ATP8A2: variants seen among roughly 807,000 people sequenced by gnomAD.
The protein encoded by ATP8A2 is ATPase phospholipid transporting 8A2.
A neutral mutation model predicts 165.6 loss-of-function variants in ATP8A2; 100 were observed. The ratio of observed to expected loss-of-function variants is 0.60; its 90% CI spans 0.51 to 0.71. ATP8A2 has a LOEUF of 0.71. Among genes scored for constraint, ATP8A2 ranks in the 30% least tolerant of loss-of-function variants. The probability of loss-of-function intolerance (pLI) is 0.00; values close to 1 mark genes in which losing one functional copy is unlikely to be tolerated. For missense variants in ATP8A2, 1,227 were observed against 1,479.5 expected, an observed-to-expected ratio of 0.83 and a Z score of 2.80; for synonymous variants, 543 against 548.8, an observed-to-expected ratio of 0.99 and a Z score of 0.15.
intron 2 of ATP8A2, among the ~76,000 whole-genome samples, chr13:25,515,800 C>T: frequency 6.6e-6 from 1 of 152,206 alleles, no homozygotes; most frequent in East Asian, 1.9e-4. Context: ...ACCTATTTAA[C>T]TCATGTCTCT....
chr13:25,444,544 C>T (rs2035019184), intron 1 of ATP8A2, among the ~76,000 whole-genome samples: 1 of 152,012 alleles, frequency 6.6e-6, no homozygotes, highest in South Asian at 2.1e-4. Flanking sequence ...AGGAGTTGCT[C>T]TTCTTTTTAA....
intron 2 of ATP8A2, among the ~76,000 whole-genome samples, chr13:25,492,204 C>T (rs12428567): frequency 0.059 from 8,937 of 152,124 alleles, 337 homozygotes; most frequent in South Asian, 0.13. Flanking sequence ...TTACCGGCAC[C>T]TGCCACCATG....
chr13:25,670,595 C>T (rs1204775083), intron 24 of ATP8A2, among the ~76,000 whole-genome samples: 1 of 152,188 alleles, frequency 6.6e-6, no homozygotes, highest in Non-Finnish European at 1.5e-5. Flanking sequence ...TTGGCTGGCA[C>T]ACCTGTATAG....
chr13:25,832,589 A>G (rs572986897), intron 28 of ATP8A2, among the ~76,000 whole-genome samples: 1 of 152,352 alleles, frequency 6.6e-6, no homozygotes, highest in South Asian at 2.1e-4. Flanking sequence ...TCAAGAAAAT[A>G]AGAAAAACAT....
chr13:25,856,929 A>G (rs1952182835), intron 30 of ATP8A2, among the ~76,000 whole-genome samples: 1 of 152,188 alleles, frequency 6.6e-6, no homozygotes, highest in African/African-American at 2.4e-5. Flanking sequence ...CTGGCTTTGC[A>G]TTTATTATTA....
Position 25,457,252 on chromosome 13 carries a change from T to C in ATP8A2, c.77-11725T>C, listed in dbSNP as rs564284552. On this transcript the variant is annotated intron_variant, in intron 1 of 36. Coordinates refer to ENST00000381655, the MANE Select transcript of ATP8A2 (RefSeq NM_016529.6). ...TGCATAGACTCTAGGAGTATACTTT[T>C]ATTTTTAACAACCCCACAAAACCTA... Among the ~76,000 whole-genome samples the C allele has an allele frequency of 6.6e-5, 10 of 152,332 alleles. No individual in the cohort carries two copies. The South Asian group carries it at 2.1e-3, about 32-fold the overall frequency.
chr13:25,529,907 C>A, intron 2 of ATP8A2, 92 bp from the exon 3 acceptor site: 4 of 677,154 alleles, frequency 5.9e-6, no homozygotes, highest in South Asian at 4.8e-5. Flanking sequence ...TTTTTTAAAC[C>A]ATTTGTAAAA....
intron 25 of ATP8A2, among the ~76,000 whole-genome samples, chr13:25,719,620 A>T (rs1440470139): frequency 1.8e-4 from 27 of 152,350 alleles, no homozygotes; most frequent in Non-Finnish European, 5.9e-5. Context: ...AGATTCAATC[A>T]TTTAACATCC....
At chr13:25,989,992 C>T (rs868312171) in intron 35 of ATP8A2, among the ~76,000 whole-genome samples, 2 of 152,232 alleles carry the variant, frequency 1.3e-5, no homozygotes, top group Admixed American at 6.5e-5. Context: ...TCCCTTAGAG[C>T]GGGTTTTAGA....
At chr13:25,591,142 T>A in intron 24 of ATP8A2, 1 of 394,096 alleles carries the variant, frequency 2.5e-6, no homozygotes, top group Admixed American at 2.7e-5. Flanking sequence ...TATGTGTGTG[T>A]GTGTGTGTGT....
chr13:25,561,273 A>G (rs112833733), intron 15 of ATP8A2, among the ~76,000 whole-genome samples: 2 of 151,894 alleles, frequency 1.3e-5, no homozygotes, highest in Admixed American at 6.6e-5. Context: ...CCTCCTCTCC[A>G]GCTTCCCTGT....
chr13:25,862,884 A>G (rs1217494687), intron 33 of ATP8A2, among the ~76,000 whole-genome samples: 1 of 152,194 alleles, frequency 6.6e-6, no homozygotes, highest in African/African-American at 2.4e-5. Flanking sequence ...AGAATCTCTC[A>G]TTGTTCATCT....
In ATP8A2 at chr13:25,431,610, T is replaced by C. The variant is rs557623361; in HGVS notation, c.77-37367T>C. Among the ~76,000 whole-genome samples, 37 of 152,366 alleles carry C rather than the reference T, an allele frequency of 2.4e-4. 3 individuals carry two copies. In the South Asian group the frequency reaches 5.6e-3, roughly 23 times the overall value. On this transcript the variant is annotated intron_variant, in intron 1 of 36. Transcript: ENST00000381655. The stretch of plus-strand genomic sequence containing the variant: ...CAATTCTAGCACTAGCTTGATTTCT[T>C]CTAACTAAGCAACCTTATTTTTTAA...
intron 24 of ATP8A2, among the ~76,000 whole-genome samples, chr13:25,693,898 C>T (rs1420085508): frequency 6.6e-6 from 1 of 151,242 alleles, no homozygotes; most frequent in Non-Finnish European, 1.5e-5. Context: ...TGGAGTCTTG[C>T]TCTGTTGCCC....
intron 17 of ATP8A2, among the ~76,000 whole-genome samples, chr13:25,571,164 C>T (rs1047034990): frequency 2.0e-5 from 3 of 152,224 alleles, no homozygotes; most frequent in Non-Finnish European, 2.9e-5. Context: ...ACAGAGCTGG[C>T]TTCTTCCTCA....
chr13:25,928,982 T>A (rs1350641792), intron 33 of ATP8A2, among the ~76,000 whole-genome samples: 1 of 152,152 alleles, frequency 6.6e-6, no homozygotes, highest in African/African-American at 2.4e-5. Context: ...AAAACTTCTC[T>A]GTATCATCTA....
At position 25,703,465 on chromosome 13, in the gene ATP8A2, C is replaced by T. The variant is rs373868621; in HGVS notation, c.2384+4120C>T. Among the ~76,000 whole-genome samples the T allele has an allele frequency of 5.3e-5, 8 of 152,260 alleles. No homozygotes were observed. In the East Asian group the frequency reaches 1.4e-3, roughly 26 times the overall value. The stretch of plus-strand genomic sequence containing the variant: ...GAAATTGCACTCTTAGGTAGGTATA[C>T]ACCCAAAAGAATTAAAAACAGGCAC... On this transcript the variant is annotated intron_variant, in intron 25 of 36. Transcript: ENST00000381655.
At position 25,532,285 on chromosome 13, in the gene ATP8A2, C is replaced by G. The variant is rs1293813146; in HGVS notation, c.434C>G (p.Ala145Gly). 1 of 1,610,328 alleles carries G rather than the reference C, an allele frequency of 6.2e-7. No individual in the cohort carries two copies. The highest frequency in any genetic ancestry group is 2.2e-5 in the East Asian group (1 of 44,734). Reference sequence around the variant, plus strand: ...TTTCTGTAACAGAAGCGACACAAGGCAGACAATGCAGTTAACAAAAAGAAA... The same window carrying G: ...TTTCTGTAACAGAAGCGACACAAGGGAGACAATGCAGTTAACAAAAAGAAA... ...EIVEDFKRHK[A>G]DNAVNKKKTI... The change falls in exon 5 of 37, where the codon GCA (alanine) becomes GGA (glycine). Residue 145 changes from alanine to glycine, a missense_variant. Coordinates refer to ENST00000381655, the MANE Select transcript of ATP8A2 (RefSeq NM_016529.6).
intron 11 of ATP8A2, among the ~76,000 whole-genome samples, chr13:25,552,309 T>A (rs2038849476): frequency 6.6e-6 from 1 of 152,086 alleles, no homozygotes; most frequent in Non-Finnish European, 1.5e-5. Context: ...TATTAACATA[T>A]TTACTTACCA....
Sources: allele counts gnomAD v4.1 joint callset (sites outside exome capture counted in the v4.1 genomes callset), GRCh38; gene constraint gnomAD v4.1.1; transcripts MANE v1.5; gene names NCBI Gene and HGNC (gene_info 2026-07-23, HGNC 2026-07-21).